PTPRT: variants seen among roughly 807,000 people sequenced by gnomAD.
PTPRT encodes the protein protein tyrosine phosphatase receptor type T.
PTPRT carries 56 observed loss-of-function variants against 176.8 expected under a neutral mutation model. The ratio of observed to expected loss-of-function variants is 0.32; its 90% CI spans 0.26 to 0.40. PTPRT has a LOEUF of 0.40. Among genes scored for constraint, PTPRT ranks in the 10% least tolerant of loss-of-function variants. PTPRT has a pLI of 1.00. For missense variants in PTPRT, 1,540 were observed against 1,908.2 expected (o/e 0.81, Z 3.60); for synonymous variants, 783 against 739.0 (o/e 1.06, Z -0.96).
At chr20:42,385,240 G>C (rs1351629287) in intron 9 of PTPRT, among the ~76,000 whole-genome samples, 1 of 152,040 alleles carries the variant, frequency 6.6e-6, no homozygotes, top group Non-Finnish European at 1.5e-5. Flanking sequence ...ATTAATATTA[G>C]TACATTAAAT....
chr20:42,219,715 G>A (rs1347227315), intron 15 of PTPRT, among the ~76,000 whole-genome samples: 7 of 152,220 alleles, frequency 4.6e-5, no homozygotes, highest in Non-Finnish European at 7.3e-5. Context: ...CAGAGGGTGT[G>A]AAAGACATGC....
chr20:42,195,020 G>T (rs1292266203), intron 16 of PTPRT, among the ~76,000 whole-genome samples: 1 of 152,160 alleles, frequency 6.6e-6, no homozygotes, highest in Non-Finnish European at 1.5e-5. Flanking sequence ...GTGGGGGATG[G>T]GGGAGGGATA....
At chr20:43,170,359 C>G (rs564091096) in intron 1 of PTPRT, among the ~76,000 whole-genome samples, 1 of 152,158 alleles carries the variant, frequency 6.6e-6, no homozygotes, top group Admixed American at 6.5e-5. Flanking sequence ...ATTTAAAGCT[C>G]AGAGAGGTTA....
chr20:42,780,174 C>A, intron 4 of PTPRT, 44 bp downstream of exon 4: 1 of 1,481,816 alleles, frequency 6.7e-7, no homozygotes, highest in Non-Finnish European at 9.4e-7. Flanking sequence ...GCTACCCAGT[C>A]TGGCATGGAT....
intron 1 of PTPRT, among the ~76,000 whole-genome samples, chr20:42,927,987 T>A (rs1979593782): frequency 6.6e-6 from 1 of 152,206 alleles, no homozygotes; most frequent in Non-Finnish European, 1.5e-5. Context: ...CCAAGTCACA[T>A]GCTATTGGCT....
chr20:42,197,980 GA>G (rs1991300017), intron 16 of PTPRT, among the ~76,000 whole-genome samples: 1 of 152,118 alleles, frequency 6.6e-6, no homozygotes, highest in Admixed American at 6.5e-5. Context: ...AGAACTCTCT[GA>G]ATGACTTACA....
Position 42,098,562 on chromosome 20 carries a change from G to C in PTPRT, c.3715-10C>G, listed in dbSNP as rs1035372462. 3 of 1,613,992 alleles carry C rather than the reference G, an allele frequency of 1.9e-6. No individual in the cohort carries two copies. In the Middle Eastern group the frequency reaches 5.0e-4, roughly 267 times the overall value. On this transcript the variant is annotated splice_polypyrimidine_tract_variant and intron_variant, in intron 26 of 30. Coordinates refer to ENST00000373187, the MANE Select transcript of PTPRT (RefSeq NM_007050.6). ...CAGGCTGCTTGTGGCTCTGACAAAG[G>C]AATGACACAGGCTTCGTAAATTACA...
At chr20:42,569,108 ATAT>A (rs1568984776) in intron 7 of PTPRT, among the ~76,000 whole-genome samples, 9 of 123,016 alleles carry the variant, frequency 7.3e-5, no homozygotes, top group Middle Eastern at 3.7e-3. Flanking sequence ...ATATATATAT[ATAT>A]AATTTCAACT....
chr20:42,467,646 T>G (rs1469924143), intron 8 of PTPRT, among the ~76,000 whole-genome samples: 1 of 152,218 alleles, frequency 6.6e-6, no homozygotes, highest in Non-Finnish European at 1.5e-5. Flanking sequence ...TGTCATGATT[T>G]CTGCACTTTA....
At chr20:43,008,453 C>A (rs1014460875) in intron 1 of PTPRT, among the ~76,000 whole-genome samples, 1 of 152,070 alleles carries the variant, frequency 6.6e-6, no homozygotes, top group African/African-American at 2.4e-5. Context: ...TTTGGGAGGC[C>A]AAGGAGGGCC....
intron 7 of PTPRT, among the ~76,000 whole-genome samples, chr20:42,600,955 C>T (rs1364892526): frequency 2.6e-5 from 4 of 152,136 alleles, no homozygotes; most frequent in Admixed American, 1.3e-4. Context: ...CCCTTTCTAA[C>T]AGGGTGGGTT....
At chr20:43,150,355 A>T (rs1404656053) in intron 1 of PTPRT, among the ~76,000 whole-genome samples, 3 of 152,264 alleles carry the variant, frequency 2.0e-5, no homozygotes, top group Admixed American at 1.3e-4. Flanking sequence ...CTCCATCCCC[A>T]CCTAATACTC....
chr20:42,629,108 C>A (rs1164646429), intron 7 of PTPRT, among the ~76,000 whole-genome samples: 2 of 151,836 alleles, frequency 1.3e-5, no homozygotes, highest in Non-Finnish European at 2.9e-5. Flanking sequence ...GTAAGAGGAA[C>A]AGATCTGACA....
At chr20:42,645,336 G>T (rs532928432) in intron 7 of PTPRT, among the ~76,000 whole-genome samples, 1 of 152,140 alleles carries the variant, frequency 6.6e-6, no homozygotes, top group Non-Finnish European at 1.5e-5. Context: ...ATCCAATGTC[G>T]GCTGGGAATG....
intron 9 of PTPRT, among the ~76,000 whole-genome samples, chr20:42,383,884 G>A (rs2058718888): frequency 6.6e-6 from 1 of 152,306 alleles, no homozygotes; most frequent in African/African-American, 2.4e-5. Context: ...TTCTCCAGAA[G>A]AGAAAAAGTT....
chr20:42,199,307 G>C lies in PTPRT; in HGVS notation c.2424C>G (p.Thr808=). 1.2e-6 allele frequency: 2 copies of C among 1,614,186 alleles called. No homozygotes were observed. The highest frequency in any genetic ancestry group is 8.5e-7 in the Non-Finnish European group (1 of 1,180,022). The change falls in exon 16 of 31, where the codon ACC becomes ACG. Residue 808 remains threonine (T), a synonymous_variant. Transcript: ENST00000373187. ...MGPVASADKP[T]TKLSASRNDE... Reference sequence around the variant, plus strand: ...CATTGCGGCTGGCGCTGAGCTTGGTGGTGGGTTTGTCGGCAGAGGCCACAG... The same window carrying C: ...CATTGCGGCTGGCGCTGAGCTTGGTCGTGGGTTTGTCGGCAGAGGCCACAG...
At chr20:42,601,714 C>A (rs2073784779) in intron 7 of PTPRT, among the ~76,000 whole-genome samples, 1 of 152,132 alleles carries the variant, frequency 6.6e-6, no homozygotes, top group African/African-American at 2.4e-5. Context: ...TAAATCATTA[C>A]TAAATTAATG....
intron 7 of PTPRT, among the ~76,000 whole-genome samples, chr20:42,620,682 C>T (rs1026709947): frequency 2.0e-5 from 3 of 152,316 alleles, no homozygotes; most frequent in Non-Finnish European, 4.4e-5. Context: ...GCGCAATATT[C>T]GGGTGGGAGT....
intron 7 of PTPRT, among the ~76,000 whole-genome samples, chr20:42,491,352 G>A (rs916398392): frequency 1.3e-5 from 2 of 152,138 alleles, no homozygotes; most frequent in Non-Finnish European, 2.9e-5. Context: ...GAGCAGGATG[G>A]CATGAGGTTT....
Sources: allele counts gnomAD v4.1 joint callset (sites outside exome capture counted in the v4.1 genomes callset), GRCh38; gene constraint gnomAD v4.1.1; transcripts MANE v1.5; gene names NCBI Gene and HGNC (gene_info 2026-07-23, HGNC 2026-07-21).